TEX9: variants seen among roughly 807,000 people sequenced by gnomAD.
TEX9 encodes testis-expressed protein 9.
TEX9 carries 74 observed loss-of-function variants against 59.6 expected under a neutral mutation model. The observed-to-expected ratio is 1.24, with a 90% CI of 1.03 to 1.51. TEX9 has a LOEUF of 1.51. Ranked by LOEUF, TEX9 falls within the 40% of genes most tolerant of loss-of-function variation. The pLI is 0.00. For synonymous variants in TEX9, 186 were observed against 152.2 expected, an observed-to-expected ratio of 1.22 and a Z score of -1.64; for missense variants, 522 against 447.8, an observed-to-expected ratio of 1.17 and a Z score of -1.49.
chr15:56,391,288 C>A (rs201459727), exon 7 of TEX9: 3 of 1,580,562 alleles, frequency 1.9e-6, no homozygotes, highest in Admixed American at 1.9e-5. Flanking sequence ...ACGATGTTGC[C>A]ATTCCAGAGG....
At chr15:56,306,427 A>G (rs2045488377) in intron 1 of TEX9, among the ~76,000 whole-genome samples, 2 of 152,200 alleles carry the variant, frequency 1.3e-5, no homozygotes, top group African/African-American at 2.4e-5. Context: ...CTATTCAGCC[A>G]TAAAAATGAA....
chr15:56,322,856 A>T (rs1388360956), intron 1 of TEX9, among the ~76,000 whole-genome samples: 3 of 152,172 alleles, frequency 2.0e-5, no homozygotes, highest in Non-Finnish European at 4.4e-5. Flanking sequence ...AAAATATCAC[A>T]TGTTGAAGAC....
At chr15:56,298,920 G>A (rs1426067) in intron 1 of TEX9, among the ~76,000 whole-genome samples, 70,627 of 152,066 alleles carry the variant, frequency 0.46, 17,131 homozygotes, top group Non-Finnish European at 0.55. Flanking sequence ...TTTTTTATCT[G>A]AGTAAATTAT....
rs192059021 is a variant in TEX9 at position 56,333,651 on chromosome 15, C to G, written c.-106-39790C>G. On this transcript the variant is annotated intron_variant, in intron 1 of 5. Coordinates refer to the TEX9 transcript ENST00000560827. The stretch of plus-strand genomic sequence containing the variant: ...TGCCCACTTGCACCCTGTTATTCAA[C>G]ATAGTACTTGAAGTCCTAGCTAGAG... 1.4e-4 allele frequency among the ~76,000 whole-genome samples: 22 copies of G among 152,158 alleles called. No homozygotes were observed. In the East Asian group the frequency reaches 4.2e-3, roughly 29 times the overall value.
At chr15:56,272,747 G>T (rs74247161) in intron 1 of TEX9, among the ~76,000 whole-genome samples, 1 of 151,978 alleles carries the variant, frequency 6.6e-6, no homozygotes, top group Non-Finnish European at 1.5e-5. Flanking sequence ...TTAAAAAAAT[G>T]TATAACATAC....
chr15:56,358,948 T>G lies in TEX9; in HGVS notation c.-106-14493T>G, dbSNP rs186447970. Among the ~76,000 whole-genome samples the G allele has an allele frequency of 9.8e-5, 15 of 152,320 alleles. 1 individual carries two copies. The East Asian group carries it at 2.7e-3, about 27-fold the overall frequency. ...CTCCTTCCGCCATGATTGTTAAGTTTCCTGAGGCCTCCCCAGCCATGCAGA... is the reference window on the plus strand; with the variant it reads ...CTCCTTCCGCCATGATTGTTAAGTTGCCTGAGGCCTCCCCAGCCATGCAGA... On this transcript the variant is annotated intron_variant, in intron 1 of 5. Coordinates refer to the TEX9 transcript ENST00000560827.
chr15:56,336,013 A>G (rs1158658929), intron 1 of TEX9, among the ~76,000 whole-genome samples: 1 of 152,146 alleles, frequency 6.6e-6, no homozygotes, highest in Non-Finnish European at 1.5e-5. Flanking sequence ...ACATTTATGG[A>G]TATTGATTTG....
chr15:56,444,488 G>C (rs747975320), intron 12 of TEX9: 3 of 1,608,432 alleles, frequency 1.9e-6, no homozygotes, highest in Non-Finnish European at 2.5e-6. Flanking sequence ...CATCAATCAT[G>C]AGTTTCTCTT....
chr15:56,245,570 G>A (rs1567060392), intron 1 of TEX9, among the ~76,000 whole-genome samples: 1 of 152,196 alleles, frequency 6.6e-6, no homozygotes. Flanking sequence ...TAGACATGGT[G>A]TGCACTAGAC....
At chr15:56,455,341 G>A in the TEX9 span, among the ~76,000 whole-genome samples, 2 of 150,210 alleles carry the variant, frequency 1.3e-5, 1 homozygote, top group South Asian at 4.2e-4. Context: ...AGAACAATAA[G>A]CAGATTTTAA....
At chr15:56,306,280 G>GAAAAAAAAAAAAAAAAAAAA (rs2045484308) in intron 1 of TEX9, among the ~76,000 whole-genome samples, 1 of 72,020 alleles carries the variant, frequency 1.4e-5, no homozygotes, top group African/African-American at 4.7e-5. Context: ...AAAAAAAAAG[G>GAAAAAAAAAAAAAAAAAAAA]AAATCAGTGT....
chr15:56,358,178 A>G (rs2046719467), intron 1 of TEX9, among the ~76,000 whole-genome samples: 1 of 152,144 alleles, frequency 6.6e-6, no homozygotes, highest in African/African-American at 2.4e-5. Flanking sequence ...TTTTCTGAAT[A>G]CAGTTCCCTG....
intron 1 of TEX9, chr15:56,274,715 G>A (rs1237740962): frequency 6.6e-6 from 1 of 151,714 alleles, no homozygotes; most frequent in African/African-American, 2.4e-5. Flanking sequence ...CCTGAAAATG[G>A]GCAGGCATGT....
At chr15:56,371,949 C>G (rs187813033) in intron 2 of TEX9, among the ~76,000 whole-genome samples, 20 of 152,304 alleles carry the variant, frequency 1.3e-4, no homozygotes, top group South Asian at 4.1e-4. Context: ...CAGCTTCTAG[C>G]TTTTAAGCTA....
intron 11 of TEX9, 132 bp downstream of exon 11, chr15:56,427,871 T>G (rs1474477571): frequency 1.6e-6 from 1 of 617,114 alleles, no homozygotes; most frequent in Non-Finnish European, 2.7e-6. Flanking sequence ...ATCATACATA[T>G]GAAATCATAT....
chr15:56,313,880 G>T (rs1173762816), intron 1 of TEX9, among the ~76,000 whole-genome samples: 4 of 122,884 alleles, frequency 3.3e-5, no homozygotes, highest in Non-Finnish European at 7.1e-5. Flanking sequence ...AGTCTTGGGA[G>T]AGTGTATGTG....
Position 56,435,402 on chromosome 15 carries a change from G to A in TEX9, c.*29+6929G>A, listed in dbSNP as rs577718406. 2.6e-5 allele frequency among the ~76,000 whole-genome samples: 4 copies of A among 151,420 alleles called. No homozygotes were observed. The South Asian group carries it at 8.4e-4, about 32-fold the overall frequency. On this transcript the variant is annotated intron_variant, in intron 12 of 12. Transcript: ENST00000352903. ...AGGCTGGTTCTTAAAAATTATCAGT[G>A]AAATGGACAGACCTTTAACAAGGCT...
Position 56,252,171 on chromosome 15 carries a change from A to G in TEX9, c.-107+7893A>G, listed in dbSNP as rs2044037384. ...GCTCTGTGGTACCTTGTACAGCCTT[A>G]TGTCATACTATCTCATTGTAGGCTA... On this transcript the variant is annotated intron_variant, in intron 1 of 5. Coordinates refer to the TEX9 transcript ENST00000560827. 4.6e-5 allele frequency among the ~76,000 whole-genome samples: 7 copies of G among 152,020 alleles called. No homozygotes were observed. The South Asian group carries it at 1.5e-3, about 32-fold the overall frequency.
chr15:56,383,159 C>T (rs1272336120), intron 3 of TEX9, among the ~76,000 whole-genome samples: 1 of 152,186 alleles, frequency 6.6e-6, no homozygotes, highest in African/African-American at 2.4e-5. Context: ...CATGACTTTG[C>T]TCTCCACTCT....
Sources: gnomAD v4.1 joint callset for allele counts (sites outside exome capture counted in the v4.1 genomes callset) on GRCh38, gnomAD v4.1.1 for gene constraint, MANE v1.5 for transcripts, NCBI Gene and HGNC (gene_info 2026-07-23, HGNC 2026-07-21) for gene names.